The following MPRIP variants were observed in gnomAD, a reference collection of about 807,000 sequenced individuals.
MPRIP encodes the protein myosin phosphatase Rho interacting protein, also known as myosin phosphatase Rho-interacting protein.
MPRIP carries 59 observed loss-of-function variants against 234.9 expected under a neutral mutation model. The observed-to-expected ratio is 0.25, with a 90% confidence interval of 0.20 to 0.31. MPRIP has a LOEUF of 0.31. MPRIP is among the 10% of genes least tolerant of loss of function. The pLI is 1.00. For missense variants in MPRIP, 2,436 were observed against 3,071.0 expected (o/e 0.79, Z 4.89); for synonymous variants, 1,144 against 1,263.9 (o/e 0.91, Z 2.01).
intron 16 of MPRIP, chr17:17,168,636 GC>G (rs2046060213): frequency 1.1e-4 from 40 of 352,238 alleles, no homozygotes; most frequent in South Asian, 8.0e-4. Flanking sequence ...CAGCTGTCTG[GC>G]CCCACCCTTT....
Position 17,158,822 on chromosome 17 carries a change from G to A in MPRIP, c.2220G>A (p.Leu740=), listed in dbSNP as rs752767026. Reference sequence around the variant, plus strand: ...TGGAGGTGGACCGGAGCCCAGGGCTGCCTATGAGCGACCTCAAAACGCATA... The same window carrying A: ...TGGAGGTGGACCGGAGCCCAGGGCTACCTATGAGCGACCTCAAAACGCATA... ...LRMEVDRSPG[L]PMSDLKTHNV... is the part of the protein sequence containing the mutation. The change falls in exon 14 of 24, where the codon CTG becomes CTA. Residue 740 remains leucine, a synonymous_variant. Coordinates refer to ENST00000651222, the MANE Select transcript of MPRIP (RefSeq NM_001364716.4). 6.2e-7 allele frequency: 1 copy of A among 1,611,650 alleles called. No individual in the cohort carries two copies. Among genetic ancestry groups the A allele is most frequent in the Non-Finnish European group, 8.5e-7 (1 of 1,179,928 alleles).
At chr17:17,146,613 T>A (rs1037747839) in intron 10 of MPRIP, among the ~76,000 whole-genome samples, 2 of 152,196 alleles carry the variant, frequency 1.3e-5, no homozygotes, top group African/African-American at 4.8e-5. Flanking sequence ...AAGAGCCATC[T>A]GAGGCTGGAC....
intron 13 of MPRIP, among the ~76,000 whole-genome samples, chr17:17,157,874 A>AT (rs1184670190): frequency 6.6e-6 from 1 of 151,686 alleles, no homozygotes; most frequent in African/African-American, 2.4e-5. Flanking sequence ...TTACCTGCTT[A>AT]TTAAAAGGTA....
At chr17:17,164,042 A>G in intron 15 of MPRIP, 67 bp from the exon 16 acceptor site, 1 of 1,136,558 alleles carries the variant, frequency 8.8e-7, no homozygotes, top group Non-Finnish European at 1.2e-6. Flanking sequence ...GTTCCTGGCC[A>G]GAGGTGTGAC....
At chr17:17,082,110 C>G (rs1156804497) in intron 3 of MPRIP, among the ~76,000 whole-genome samples, 2 of 151,902 alleles carry the variant, frequency 1.3e-5, no homozygotes, top group Non-Finnish European at 2.9e-5. Context: ...GGACTGATGT[C>G]GAGCTGAGGT....
intron 1 of MPRIP, among the ~76,000 whole-genome samples, chr17:17,049,667 G>A (rs941161410): frequency 2.1e-4 from 32 of 152,276 alleles, no homozygotes; most frequent in African/African-American, 7.7e-4. Flanking sequence ...AAGAAATCTT[G>A]TATATTTTAG....
intron 1 of MPRIP, among the ~76,000 whole-genome samples, chr17:17,051,844 T>C (rs2088551729): frequency 6.6e-6 from 1 of 152,230 alleles, no homozygotes; most frequent in Non-Finnish European, 1.5e-5. Flanking sequence ...ACAGCCTGGT[T>C]TTTGCCTGGA....
At chr17:17,113,569 A>T (rs1489013806) in intron 3 of MPRIP, among the ~76,000 whole-genome samples, 1 of 152,214 alleles carries the variant, frequency 6.6e-6, no homozygotes, top group Non-Finnish European at 1.5e-5. Context: ...AGCTGCTTCC[A>T]TCTGTTGGCT....
At position 17,164,953 on chromosome 17, in the gene MPRIP, T is replaced by C; in HGVS notation, c.3362T>C (p.Val1121Ala). 1 of 1,303,648 alleles carries C rather than the reference T, an allele frequency of 7.7e-7. No individual in the cohort carries two copies. Among genetic ancestry groups the C allele is most frequent in the Non-Finnish European group, 1.0e-6 (1 of 988,854 alleles). 80.8% of individuals were successfully genotyped at this position (1,303,648 alleles called of 1,614,324 possible). The change falls in exon 16 of 24, where the codon GTG becomes GCG. Residue 1121 changes from valine to alanine, a missense_variant. Coordinates refer to ENST00000651222, the MANE Select transcript of MPRIP (RefSeq NM_001364716.4). ...CGGTTCCAGGAGCTGACAGAGCGCG[T>C]GGCCACGTCCGACGAGGATGTGGCT... ...RQRFQELTER[V>A]ATSDEDVAEL...
At position 17,175,559 on chromosome 17, in the gene MPRIP, C is replaced by T. The variant is rs556685662; in HGVS notation, c.6870+147C>T. 1,081 of 1,140,726 alleles carry T rather than the reference C, an allele frequency of 9.5e-4. 3 individuals are homozygous for T. Among genetic ancestry groups the T allele is most frequent in the Non-Finnish European group, 1.2e-3 (983 of 840,518 alleles). 70.7% of individuals were successfully genotyped at this position (1,140,726 alleles called of 1,614,324 possible). A position where few individuals can be genotyped will look rare whatever the true frequency, so the allele number is the denominator to read the frequency against. On this transcript the variant is annotated intron_variant, in intron 20 of 23. Transcript: ENST00000651222. ...AGGGTCCAGGAAGATCCAAATCACC[C>T]GAAGGCGGCGAGGAGCAGTGAGCTG...
At chr17:17,088,731 A>T (rs1458142570) in intron 3 of MPRIP, among the ~76,000 whole-genome samples, 1 of 152,126 alleles carries the variant, frequency 6.6e-6, no homozygotes, top group African/African-American at 2.4e-5. Flanking sequence ...TGGAAAATAT[A>T]TCATGTCCAA....
chr17:17,177,539 A>G, intron 22 of MPRIP, 127 bp downstream of exon 22: 2 of 1,044,210 alleles, frequency 1.9e-6, no homozygotes, highest in Admixed American at 2.6e-5. Flanking sequence ...CAGGCATCCC[A>G]GTGGAGCAGG....
intron 1 of MPRIP, among the ~76,000 whole-genome samples, chr17:17,060,713 A>C (rs961282495): frequency 1.3e-5 from 2 of 152,084 alleles, no homozygotes; most frequent in African/African-American, 4.8e-5. Context: ...TCTCCCTCGG[A>C]GGCTTGGCTT....
chr17:17,049,792 G>T (rs2088474932), intron 1 of MPRIP, among the ~76,000 whole-genome samples: 1 of 152,190 alleles, frequency 6.6e-6, no homozygotes, highest in South Asian at 2.1e-4. Context: ...GGCCAATTTG[G>T]CACAGGGGCA....
rs764740780 is a variant in MPRIP at position 17,142,718 on chromosome 17, G to A, written c.1342G>A (p.Asp448Asn). The A allele has an allele frequency of 1.9e-5, 31 of 1,612,398 alleles. No individual in the cohort carries two copies. Among genetic ancestry groups the A allele is most frequent in the African/African-American group, 1.2e-4 (9 of 74,882 alleles). ...TGCAGTGGGGCCCTCACCATCCAGC[G>A]ACACACGCCAGGGCCGCAGCGAGAA... ...TNAVGPSPSS[D>N]TRQGRSEKRA... The change falls in exon 8 of 24, where the codon GAC (aspartate) becomes AAC (asparagine). Residue 448 changes from aspartate (D) to asparagine (N), a missense_variant. By Grantham distance (23) the Asp-to-Asn change is conservative. Coordinates refer to ENST00000651222, the MANE Select transcript of MPRIP (RefSeq NM_001364716.4).
chr17:17,138,199 A>C lies in MPRIP; in HGVS notation c.1020A>C (p.Pro340=), dbSNP rs1597870502. The C allele has an allele frequency of 1.1e-6, 1 of 877,700 alleles. No individual in the cohort carries two copies. The highest frequency in any genetic ancestry group is 1.7e-6 in the Non-Finnish European group (1 of 590,460). The allele number at this position is 877,700 out of a possible 1,614,324, so 54.4% of individuals were successfully genotyped here. A position where few individuals can be genotyped will look rare whatever the true frequency, so the allele number is the denominator to read the frequency against. Reference sequence around the variant, plus strand: ...GCTCCCTGGATGTGGCCAGCCAGCCACCTGCCTACGTGGACTCTGGCAGCA... The same window carrying C: ...GCTCCCTGGATGTGGCCAGCCAGCCCCCTGCCTACGTGGACTCTGGCAGCA... The part of the protein sequence containing the change: ...SLSSLDVASQ[P]PAYVDSGSTR... The change falls in exon 7 of 24, where the codon CCA becomes CCC. Residue 340 remains proline (P), a synonymous_variant. Transcript: ENST00000651222. The surrounding 1 kb of genome is among the most constrained non-coding windows in gnomAD (Gnocchi z 5.8).
Position 17,164,775 on chromosome 17 carries a change from G to A in MPRIP, c.3184G>A (p.Glu1062Lys). Residue 1062 changes from glutamate to lysine, a missense_variant, in exon 16 of 24, where the codon GAG becomes AAG. Physicochemically the swap from Glu to Lys is moderately conservative, Grantham distance 56 (BLOSUM62 1). Around this residue, in one of 4 missense-constraint regions of MPRIP, gnomAD observed 1,998 missense variants for 2,520.3 expected, o/e 0.79. Coordinates refer to ENST00000651222, the MANE Select transcript of MPRIP (RefSeq NM_001364716.4). ...GCTGCAGGGTCAGGCACAGCAGGTG[G>A]AGACCCTGCAGAAGGAGAAGCTGAG... Reference protein sequence around the residue: ...DQLQGQAQQVETLQKEKLSAT... With the variant: ...DQLQGQAQQVKTLQKEKLSAT... 1 of 1,304,240 alleles carries A rather than the reference G, an allele frequency of 7.7e-7. No homozygotes were observed. Among genetic ancestry groups the A allele is most frequent in the Non-Finnish European group, 1.0e-6 (1 of 988,940 alleles). The allele number at this position is 1,304,240 out of a possible 1,614,324, so 80.8% of individuals were successfully genotyped here. A position where few individuals can be genotyped will look rare whatever the true frequency, so the allele number is the denominator to read the frequency against.
Position 17,081,745 on chromosome 17 carries a change from C to T in MPRIP, c.267+3669C>T, listed in dbSNP as rs1453104399. Among the ~76,000 whole-genome samples the T allele has an allele frequency of 2.6e-5, 4 of 152,338 alleles. No homozygotes were observed. The East Asian group carries it at 7.7e-4, about 29-fold the overall frequency. The stretch of plus-strand genomic sequence containing the variant: ...ACTTCATCCAGTTCCGGAAGCTGAC[C>T]ATTGCCTCTCCAGGCAGCCCTGAGA... On this transcript the variant is annotated intron_variant, in intron 3 of 23. Coordinates refer to ENST00000651222, the MANE Select transcript of MPRIP (RefSeq NM_001364716.4).
intron 16 of MPRIP, among the ~76,000 whole-genome samples, chr17:17,170,353 TG>T (rs1234489504): frequency 2.6e-5 from 4 of 151,720 alleles, no homozygotes; most frequent in African/African-American, 7.3e-5. Context: ...CGTCCTGAGG[TG>T]TGAGGGTGGC....
Sources: gnomAD v4.1 joint callset for allele counts (sites outside exome capture counted in the v4.1 genomes callset) on GRCh38, gnomAD v4.1.1 for gene constraint, gnomAD v4.1.1 regional missense constraint, Gnocchi (gnomAD v3.1) non-coding constraint, MANE v1.5 for transcripts, NCBI Gene and HGNC (gene_info 2026-07-23, HGNC 2026-07-21) for gene names.